DNAH14: variants seen among roughly 807,000 people sequenced by gnomAD.
The protein encoded by DNAH14 is dynein axonemal heavy chain 14.
In DNAH14, 478 loss-of-function variants were observed where a neutral mutation model predicts 520.9. That is an observed-to-expected ratio of 0.92 (90% CI 0.85 to 0.99). The LOEUF (loss-of-function observed/expected upper bound fraction) is 0.99, where lower values mean the gene tolerates loss of function less well. DNAH14 is among the 50% of genes least tolerant of loss of function. DNAH14 has a pLI of 0.00. For missense variants in DNAH14, 4,831 were observed against 5,234.5 expected, an observed-to-expected ratio of 0.92 and a Z score of 2.38; for synonymous variants, 1,581 against 1,757.2, an observed-to-expected ratio of 0.90 and a Z score of 2.51.
intron 8 of DNAH14, among the ~76,000 whole-genome samples, chr1:224,990,782 T>C (rs1352533737): frequency 6.6e-6 from 1 of 152,152 alleles, no homozygotes; most frequent in Non-Finnish European, 1.5e-5. Context: ...CTCTTTGACA[T>C]ACTTACTTCA....
chr1:225,338,155 C>T lies in DNAH14; in HGVS notation c.10406C>T (p.Ala3469Val). The T allele has an allele frequency of 6.4e-7, 1 of 1,551,818 alleles. No individual in the cohort carries two copies. ...CACTATTTCATAAGGGTTGGTGATG[C>T]TGAGTTCGAATACAATTCAAATTTT... The part of the protein sequence containing the change: ...KGHYFIRVGD[A>V]EFEYNSNFRL... The change falls in exon 68 of 86, where the codon GCT becomes GTT. Residue 3469 changes from alanine (A) to valine (V), a missense_variant. Transcript: ENST00000682510.
chr1:225,190,445 A>G (rs945057142), intron 37 of DNAH14, among the ~76,000 whole-genome samples: 3 of 152,036 alleles, frequency 2.0e-5, no homozygotes, highest in Non-Finnish European at 2.9e-5. Context: ...TCAAAATAGC[A>G]TGAAACTTAA....
chr1:225,192,220 A>T (rs2085533556), intron 37 of DNAH14, among the ~76,000 whole-genome samples: 2 of 152,088 alleles, frequency 1.3e-5, no homozygotes, highest in South Asian at 4.1e-4. Flanking sequence ...CAGGTCTGTA[A>T]TCTCTCTGAA....
intron 1 of DNAH14, among the ~76,000 whole-genome samples, chr1:224,932,453 T>C (rs2516334): frequency 0.096 from 14,566 of 152,202 alleles, 2,247 homozygotes; most frequent in African/African-American, 0.33. Context: ...AGAAACTTTC[T>C]AGTTTAAGTC....
chr1:225,038,487 A>G (rs1431128605), intron 11 of DNAH14, among the ~76,000 whole-genome samples: 1 of 151,718 alleles, frequency 6.6e-6, no homozygotes, highest in Non-Finnish European at 1.5e-5. Context: ...TGTGTTATGG[A>G]TTACATTTCC....
chr1:225,206,236 CTATT>C, intron 40 of DNAH14, 57 bp downstream of exon 40: 5 of 1,381,478 alleles, frequency 3.6e-6, no homozygotes, highest in South Asian at 1.4e-5. Flanking sequence ...ATGATAGTAA[CTATT>C]TATTATTTAC....
chr1:225,171,781 T>C (rs1289152442), intron 36 of DNAH14, among the ~76,000 whole-genome samples: 2 of 152,180 alleles, frequency 1.3e-5, no homozygotes, highest in Non-Finnish European at 2.9e-5. Flanking sequence ...GAGGCCAGCA[T>C]CATCCTGATA....
At chr1:225,217,485 G>A (rs572356370) in intron 41 of DNAH14, among the ~76,000 whole-genome samples, 1 of 152,142 alleles carries the variant, frequency 6.6e-6, no homozygotes, top group East Asian at 1.9e-4. Flanking sequence ...TTTCAGCTAT[G>A]CCCTGCCCCC....
At chr1:225,156,051 T>C (rs1173975843) in intron 34 of DNAH14, among the ~76,000 whole-genome samples, 1 of 152,134 alleles carries the variant, frequency 6.6e-6, no homozygotes, top group East Asian at 1.9e-4. Flanking sequence ...TTCCTTTCCT[T>C]CTATCCCACC....
At chr1:225,008,045 G>A (rs988695098) in intron 10 of DNAH14, among the ~76,000 whole-genome samples, 5 of 151,236 alleles carry the variant, frequency 3.3e-5, no homozygotes, top group Admixed American at 1.3e-4. Flanking sequence ...ATTTACATTC[G>A]GTATTTCTCC....
At chr1:225,181,318 A>T (rs1266517499) in intron 36 of DNAH14, among the ~76,000 whole-genome samples, 1 of 152,148 alleles carries the variant, frequency 6.6e-6, no homozygotes, top group Non-Finnish European at 1.5e-5. Context: ...TGGTATAATG[A>T]TTAATTTTTC....
intron 68 of DNAH14, 35 bp downstream of exon 68, chr1:225,338,217 A>G (rs930999090): frequency 8.4e-6 from 13 of 1,550,920 alleles, no homozygotes; most frequent in South Asian, 3.6e-5. Flanking sequence ...TCAAATGTCT[A>G]TGCTTTTTAA....
At chr1:225,050,444 A>G in intron 16 of DNAH14, 68 bp downstream of exon 16, 1 of 1,435,542 alleles carries the variant, frequency 7.0e-7, no homozygotes, top group East Asian at 2.6e-5. Flanking sequence ...TCTTAAATGA[A>G]ATGAATTTAT....
chr1:225,259,960 T>A (rs1574354872), intron 46 of DNAH14, among the ~76,000 whole-genome samples: 1 of 152,148 alleles, frequency 6.6e-6, no homozygotes, highest in South Asian at 2.1e-4. Flanking sequence ...TATGCACATT[T>A]AAAAAATCCA....
chr1:225,031,378 G>A (rs746263770), intron 11 of DNAH14, among the ~76,000 whole-genome samples: 1 of 152,084 alleles, frequency 6.6e-6, no homozygotes, highest in South Asian at 2.1e-4. Context: ...CTATAGCCAC[G>A]CCCATTTGTT....
chr1:225,392,208 T>A, intron 83 of DNAH14, 83 bp from the exon 84 acceptor site: 1 of 1,464,432 alleles, frequency 6.8e-7, no homozygotes, highest in Non-Finnish European at 9.2e-7. Context: ...CCCTTTCTTC[T>A]CCATGAGACA....
intron 8 of DNAH14, among the ~76,000 whole-genome samples, chr1:224,980,845 TG>T (rs2062215353): frequency 6.6e-6 from 1 of 152,096 alleles, no homozygotes; most frequent in African/African-American, 2.4e-5. Context: ...CAGCTCCATG[TG>T]GGGGGCTATG....
intron 43 of DNAH14, among the ~76,000 whole-genome samples, chr1:225,252,027 G>A (rs1270709790): frequency 6.6e-6 from 1 of 152,092 alleles, no homozygotes; most frequent in African/African-American, 2.4e-5. Flanking sequence ...CAAACACATG[G>A]TAATAATCAA....
Position 225,185,315 on chromosome 1 carries a change from G to A in DNAH14, c.5560G>A (p.Gly1854Ser), listed in dbSNP as rs889936880. 7 of 1,544,916 alleles carry A rather than the reference G, an allele frequency of 4.5e-6. No homozygotes were observed. The highest frequency in any genetic ancestry group is 2.8e-5 in the African/African-American group (2 of 72,598). Residue 1854 changes from glycine to serine, a missense_variant, in exon 37 of 86, where the codon GGC (glycine) becomes AGC (serine). By Grantham distance (56) the Gly-to-Ser change is moderately conservative. Transcript: ENST00000682510. ...GGTTTGTGTTGGTGTGATGTTAGTG[G>A]GCCCAACAGGTGGAGGAAAGACAAC... The part of the protein sequence containing the change: ...LQVCVGVMLV[G>S]PTGGGKTTVR...
Sources: gnomAD v4.1 joint callset for allele counts (sites outside exome capture counted in the v4.1 genomes callset) on GRCh38, gnomAD v4.1.1 for gene constraint, MANE v1.5 for transcripts, NCBI Gene and HGNC (gene_info 2026-07-23, HGNC 2026-07-21) for gene names.